The following EPHA10 variants were observed in gnomAD, a reference collection of about 807,000 sequenced individuals.
The protein encoded by EPHA10 is ephrin type-A receptor 10.
A neutral mutation model predicts 109.7 loss-of-function variants in EPHA10; 120 were observed. That is an observed-to-expected ratio of 1.09 (90% CI 0.94 to 1.27). EPHA10 has a LOEUF of 1.27. Ranked by LOEUF, EPHA10 falls within the 50% of genes most tolerant of loss-of-function variation. The pLI is 0.00. For missense variants in EPHA10, 1,396 were observed against 1,411.1 expected (o/e 0.99, Z 0.17); for synonymous variants, 640 against 618.9 (o/e 1.03, Z -0.51).
rs754586030 is a variant in EPHA10, at chr1:37,731,403, C to T, written c.1663+8G>A. ...CTAGGTCCCTGTCCACTCACACACA[C>T]TACTTACCCTCCCCCAGGGTCTGTA... On this transcript the variant is annotated splice_region_variant and intron_variant, in intron 7 of 16. Transcript: ENST00000373048. 24 of 1,594,776 alleles carry T rather than the reference C, an allele frequency of 1.5e-5. No individual in the cohort carries two copies. The highest frequency in any genetic ancestry group is 1.5e-4 in the South Asian group (13 of 87,964).
Position 37,752,874 on chromosome 1 carries a change from A to G in EPHA10, c.1357+2T>C. On this transcript the variant is annotated splice_donor_variant, in intron 5 of 16. Transcript: ENST00000373048. LOFTEE classifies it high-confidence loss of function. ...CGGGGTGGGGGGCGCGGACGGCCTT[A>G]CCCCCGGGCCCGGTGGAGACGGTGA... The G allele has an allele frequency of 1.6e-6, 2 of 1,273,800 alleles. No individual in the cohort carries two copies. The highest frequency in any genetic ancestry group is 9.9e-7 in the Non-Finnish European group (1 of 1,012,094). 78.9% of individuals were successfully genotyped at this position (1,273,800 alleles called of 1,614,324 possible).
At position 37,748,918 on chromosome 1, in the gene EPHA10, C is replaced by CT. The variant is rs55656984; in HGVS notation, c.1357+3957dup. ...TAAGATGAGTTTCCTTTCTTTTCAT[C>CT]TTTTTTTTTTTTTTTTTTTTTTGAG... On this transcript the variant is annotated intron_variant, in intron 5 of 16. Transcript: ENST00000373048. Among the ~76,000 whole-genome samples the CT allele has an allele frequency of 3.9e-3, 376 of 95,314 alleles. 13 individuals carry two copies. The highest frequency in any genetic ancestry group is 0.011 in the African/African-American group (255 of 24,208). 62.5% of individuals were successfully genotyped at this position (95,314 alleles called of 152,430 possible). A position where few individuals can be genotyped will look rare whatever the true frequency, so the allele number is the denominator to read the frequency against.
rs1211473800 is a variant in EPHA10, at chr1:37,716,096, G to A, written c.*2276C>T. 1.1e-5 allele frequency: 5 copies of A among 467,210 alleles called. No homozygotes were observed. Among genetic ancestry groups the A allele is most frequent in the African/African-American group, 3.9e-5 (2 of 51,298 alleles). 28.9% of individuals were successfully genotyped at this position (467,210 alleles called of 1,614,324 possible). On this transcript the variant is annotated 3_prime_UTR_variant, in exon 17 of 17. Transcript: ENST00000373048. ...GGTGAGCTCAGACCAGGGTAATGGG[G>A]GCTTGCAGGCCACCTCTGTCCAGTG...
At chr1:37,720,732 C>T in intron 12 of EPHA10, 51 bp downstream of exon 12, 1 of 1,604,894 alleles carries the variant, frequency 6.2e-7, no homozygotes, top group Non-Finnish European at 8.5e-7. Flanking sequence ...TGAGGGACCC[C>T]TGCCCGCTTT....
In EPHA10 at chr1:37,735,358, G is replaced by T. The variant is rs762908730; in HGVS notation, c.1390C>A (p.Arg464=). ...PWEEDEIRRD[R]VEPQSVSLSW... is the part of the protein sequence containing the mutation. Reference sequence around the variant, plus strand: ...AGGGACACGCTCTGGGGTTCCACTCGGTCCCTGCGGATCTCATCCTCCTCC... The same window carrying T: ...AGGGACACGCTCTGGGGTTCCACTCTGTCCCTGCGGATCTCATCCTCCTCC... Residue 464 remains arginine (R), a synonymous_variant, in exon 6 of 17, where the codon CGA becomes AGA. Coordinates refer to ENST00000373048, the MANE Select transcript of EPHA10 (RefSeq NM_001099439.2). 3 of 1,577,776 alleles carry T rather than the reference G, an allele frequency of 1.9e-6. No individual in the cohort carries two copies. Among genetic ancestry groups the T allele is most frequent in the Non-Finnish European group, 2.6e-6 (3 of 1,161,790 alleles).
intron 3 of EPHA10, among the ~76,000 whole-genome samples, chr1:37,757,146 A>C (rs1462680732): frequency 6.6e-6 from 1 of 152,170 alleles, no homozygotes; most frequent in Non-Finnish European, 1.5e-5. Context: ...AATTAAAGCT[A>C]CTTGTTATAT....
rs1646353657 is a variant in EPHA10 at position 37,753,031 on chromosome 1, C to T, written c.1202G>A (p.Arg401His). ...PCGPRVAFLP[R>H]QAGLRERAAT... is the part of the protein sequence containing the mutation. ...GGCTCGCTCCCGCAGCCCTGCCTGG[C>T]GCGGTAGGAAGGCCACGCGCGGCCC... The change falls in exon 5 of 17, where the codon CGC becomes CAC. Residue 401 changes from arginine to histidine, a missense_variant. Arg to His is a conservative substitution (Grantham distance 29). Transcript: ENST00000373048. The T allele has an allele frequency of 3.2e-6, 4 of 1,233,334 alleles. No individual in the cohort carries two copies. The highest frequency in any genetic ancestry group is 4.0e-6 in the Non-Finnish European group (4 of 990,226). The allele number at this position is 1,233,334 out of a possible 1,614,324, so 76.4% of individuals were successfully genotyped here.
chr1:37,720,322 C>A, intron 13 of EPHA10, 29 bp downstream of exon 13: 2 of 1,573,826 alleles, frequency 1.3e-6, no homozygotes, highest in Non-Finnish European at 8.6e-7. Flanking sequence ...CCAGAAGGCA[C>A]AGGCAGGCTT....
At position 37,716,405 on chromosome 1, in the gene EPHA10, G is replaced by A; in HGVS notation, c.*1967C>T. On this transcript the variant is annotated 3_prime_UTR_variant, in exon 17 of 17. Coordinates refer to ENST00000373048, the MANE Select transcript of EPHA10 (RefSeq NM_001099439.2). ...CCACCCAAGAAGGGATGCTGGTCCA[G>A]GCTTCCCAGGAGGGGTGGGGAAGGC... 4.3e-6 allele frequency: 1 copy of A among 235,010 alleles called. No individual in the cohort carries two copies. Among genetic ancestry groups the A allele is most frequent in the East Asian group, 6.1e-5 (1 of 16,526 alleles). 14.6% of individuals were successfully genotyped at this position (235,010 alleles called of 1,614,324 possible).
At position 37,719,437 on chromosome 1, in the gene EPHA10, C is replaced by CTT; in HGVS notation, c.2731_2732dup (p.Cys912SerfsTer4). 1 of 1,613,428 alleles carries CTT rather than the reference C, an allele frequency of 6.2e-7. No individual in the cohort carries two copies. Among genetic ancestry groups the CTT allele is most frequent in the East Asian group, 2.2e-5 (1 of 44,876 alleles). On this transcript the variant is annotated frameshift_variant, in exon 15 of 17. Transcript: ENST00000373048. LOFTEE classifies it high-confidence loss of function. ...ACCTGGGACAGGTAGTCAGGGCACA[C>CTT]TTGGGGGGCTCTGGGTCCTGCACCA...
chr1:37,731,018 T>G (rs1645973444), intron 7 of EPHA10, among the ~76,000 whole-genome samples: 6 of 152,152 alleles, frequency 3.9e-5, no homozygotes. Flanking sequence ...TGTTTATCAC[T>G]GCAATGCAAC....
chr1:37,736,890 CA>C (rs1356528785), intron 5 of EPHA10, among the ~76,000 whole-genome samples: 1 of 151,958 alleles, frequency 6.6e-6, no homozygotes, highest in Non-Finnish European at 1.5e-5. Context: ...TAAACTTAAC[CA>C]AAGGGATGAA....
chr1:37,763,552 T>C (rs1646451228), intron 1 of EPHA10, among the ~76,000 whole-genome samples: 1 of 152,140 alleles, frequency 6.6e-6, no homozygotes, highest in South Asian at 2.1e-4. Flanking sequence ...TCATTCAGCC[T>C]TCTACAGGGT....
intron 5 of EPHA10, among the ~76,000 whole-genome samples, chr1:37,745,216 T>C (rs966728520): frequency 1.3e-5 from 2 of 152,208 alleles, no homozygotes; most frequent in Non-Finnish European, 2.9e-5. Flanking sequence ...GTCTAGTGTC[T>C]GTAATACATA....
At position 37,749,350 on chromosome 1, in the gene EPHA10, T is replaced by C. The variant is rs1265702029; in HGVS notation, c.1357+3526A>G. On this transcript the variant is annotated intron_variant, in intron 5 of 16. Coordinates refer to ENST00000373048, the MANE Select transcript of EPHA10 (RefSeq NM_001099439.2). ...AAGAGTATTTCCTTAACATGGCTTC[T>C]AAATCTATCTGTGTCAAAACAGTTA... 2.6e-5 allele frequency among the ~76,000 whole-genome samples: 4 copies of C among 152,092 alleles called. No homozygotes were observed. The East Asian group carries it at 7.7e-4, about 29-fold the overall frequency.
chr1:37,733,012 C>A (rs943981146), intron 6 of EPHA10, among the ~76,000 whole-genome samples: 8 of 150,646 alleles, frequency 5.3e-5, no homozygotes, highest in Non-Finnish European at 1.0e-4. Flanking sequence ...CCTGCCTCAG[C>A]CTCCTGAGTA....
At chr1:37,724,859 T>A (rs1569646365) in intron 8 of EPHA10, among the ~76,000 whole-genome samples, 2 of 152,198 alleles carry the variant, frequency 1.3e-5, no homozygotes, top group South Asian at 4.1e-4. Flanking sequence ...TTCTCTTTAA[T>A]AAAATCAGGA....
At chr1:37,722,523 A>G (rs6426030) in intron 10 of EPHA10, among the ~76,000 whole-genome samples, 35,960 of 152,176 alleles carry the variant, frequency 0.24, 4,429 homozygotes, top group Middle Eastern at 0.3. Context: ...AGGCTAGCAG[A>G]AGACTGGCCC....
chr1:37,748,882 C>T (rs987717142), intron 5 of EPHA10, among the ~76,000 whole-genome samples: 2 of 149,640 alleles, frequency 1.3e-5, no homozygotes, highest in African/African-American at 4.9e-5. Context: ...ACCTGGGTTC[C>T]AAAACCAATC....
Sources: gnomAD v4.1 joint callset for allele counts (sites outside exome capture counted in the v4.1 genomes callset) on GRCh38, gnomAD v4.1.1 for gene constraint, MANE v1.5 for transcripts, NCBI Gene and HGNC (gene_info 2026-07-23, HGNC 2026-07-21) for gene names.